Variants in FBXO10 observed in about 807,000 individuals in gnomAD.
FBXO10 encodes the protein F-box protein 10, also known as F-box only protein 10.
FBXO10 carries 39 observed loss-of-function variants against 80.7 expected under a neutral mutation model. The ratio of observed to expected loss-of-function variants is 0.48; its 90% CI spans 0.37 to 0.63. FBXO10 has a LOEUF of 0.63. Ranked by LOEUF, FBXO10 falls within the 30% of genes least tolerant of loss-of-function variation. The pLI, the probability that FBXO10 is intolerant of heterozygous loss-of-function variation, is 0.00. For synonymous variants in FBXO10, 449 were observed against 489.6 expected (o/e 0.92, Z 1.09); for missense variants, 1,025 against 1,269.0 (o/e 0.81, Z 2.92).
chr9:37,537,193 C>T lies in FBXO10; in HGVS notation c.1336G>A (p.Val446Ile), dbSNP rs750934203. The change falls in exon 3 of 11, where the codon GTC becomes ATC. Residue 446 changes from valine (V) to isoleucine (I), a missense_variant. Around this residue, in one of 3 missense-constraint regions of FBXO10, gnomAD observed 478 missense variants for 667.8 expected, o/e 0.72. Transcript: ENST00000432825. The part of the protein sequence containing the change: ...LFRDGKGGVF[V>I]CSHGRAKMEG... ...ATCTTGGCTCTGCCGTGGGAGCAGA[C>T]GAAGACGCCTCCCTTCCCGTCCCGG... 11 of 1,613,838 alleles carry T rather than the reference C, an allele frequency of 6.8e-6. No homozygotes were observed. Among genetic ancestry groups the T allele is most frequent in the South Asian group, 5.5e-5 (5 of 91,090 alleles).
chr9:37,556,598 C>T (rs58722466), intron 1 of FBXO10, among the ~76,000 whole-genome samples: 8,269 of 127,478 alleles, frequency 0.065, 290 homozygotes, highest in South Asian at 0.16. Flanking sequence ...GTCTGGAGTG[C>T]AGTGGCACAA....
chr9:37,567,950 G>C (rs1822649976), intron 1 of FBXO10, among the ~76,000 whole-genome samples: 1 of 152,116 alleles, frequency 6.6e-6, no homozygotes, highest in Non-Finnish European at 1.5e-5. Flanking sequence ...TCACAGGATG[G>C]ATACTTGACC....
chr9:37,541,874 G>T, intron 1 of FBXO10, 100 bp from the exon 2 acceptor site: 2 of 1,020,328 alleles, frequency 2.0e-6, no homozygotes, highest in Non-Finnish European at 2.8e-6. Context: ...TCTTGCCCAG[G>T]CTGGAGTGCA....
chr9:37,541,275 G>T lies in FBXO10; in HGVS notation c.494C>A (p.Ala165Asp). 6.2e-7 allele frequency: 1 copy of T among 1,613,954 alleles called. No individual in the cohort carries two copies. ...GTGCTGATCAATGCTGGCCAGCAGG[G>T]CCACTTCACCCAACTTCCCCTGCCC... is the stretch of plus-strand genomic sequence containing the variant. ...IVGQGKLGEV[A>D]LLASIDQHCS... The change falls in exon 2 of 11, where the codon GCC (alanine) becomes GAC (aspartate). Residue 165 changes from alanine (A) to aspartate (D), a missense_variant. Coordinates refer to ENST00000432825, the MANE Select transcript of FBXO10 (RefSeq NM_012166.3).
chr9:37,522,537 G>A, intron 7 of FBXO10: 1 of 1,168,214 alleles, frequency 8.6e-7, no homozygotes, highest in Non-Finnish European at 1.1e-6. Flanking sequence ...ATGAGCCAGG[G>A]CTGAAATGGT....
chr9:37,517,640 TC>T (rs1262037890), intron 9 of FBXO10, among the ~76,000 whole-genome samples: 1 of 141,380 alleles, frequency 7.1e-6, no homozygotes, highest in Non-Finnish European at 1.5e-5. Flanking sequence ...CAGGGACTCT[TC>T]CTGAACAAAG....
intron 2 of FBXO10, 130 bp from the exon 3 acceptor site, chr9:37,538,073 G>C (rs1821821055): frequency 1.4e-6 from 1 of 704,040 alleles, no homozygotes; most frequent in South Asian, 1.9e-5. Flanking sequence ...CCCCACTGGG[G>C]TCTGGATGTC....
intron 1 of FBXO10, among the ~76,000 whole-genome samples, chr9:37,559,336 T>C (rs1291580493): frequency 6.6e-6 from 1 of 152,160 alleles, no homozygotes; most frequent in Non-Finnish European, 1.5e-5. Context: ...AGCATCCTTC[T>C]TCCTCAGCTT....
chr9:37,556,912 G>A (rs1822350934), intron 1 of FBXO10, among the ~76,000 whole-genome samples: 1 of 152,098 alleles, frequency 6.6e-6, no homozygotes, highest in African/African-American at 2.4e-5. Context: ...TTTTCTACTG[G>A]CTTGGTCATT....
chr9:37,522,228 A>C, intron 7 of FBXO10: 1 of 542,244 alleles, frequency 1.8e-6, no homozygotes, highest in Non-Finnish European at 2.4e-6. Flanking sequence ...AGGTTACCAG[A>C]CCTCTCTCTG....
rs540188029 is a variant in FBXO10 at position 37,576,075 on chromosome 9, C to A, written c.-7+136G>T. On this transcript the variant is annotated intron_variant, in intron 1 of 10. Coordinates refer to ENST00000432825, the MANE Select transcript of FBXO10 (RefSeq NM_012166.3). The stretch of plus-strand genomic sequence containing the variant: ...TCATGGTCCTGCCAGACCCCTGATG[C>A]CCGAAGCCCGACCAGACGCTCAGCC... 3 of 152,348 alleles carry A rather than the reference C, an allele frequency of 2.0e-5. No homozygotes were observed. The East Asian group carries it at 5.8e-4, about 29-fold the overall frequency. The allele number at this position is 152,348 out of a possible 1,614,324, so 9.4% of individuals were successfully genotyped here.
chr9:37,568,061 A>C (rs1458693747), intron 1 of FBXO10, among the ~76,000 whole-genome samples: 1 of 152,194 alleles, frequency 6.6e-6, no homozygotes, highest in Non-Finnish European at 1.5e-5. Context: ...TTAAGGTGAG[A>C]GACTGCAAGA....
intron 1 of FBXO10, among the ~76,000 whole-genome samples, chr9:37,574,342 G>A (rs1348777448): frequency 6.6e-6 from 1 of 152,212 alleles, no homozygotes. Flanking sequence ...ACCAGAGAAC[G>A]GAAACTCATG....
intron 5 of FBXO10, among the ~76,000 whole-genome samples, chr9:37,526,307 G>A (rs1432295721): frequency 6.6e-6 from 1 of 152,174 alleles, no homozygotes; most frequent in African/African-American, 2.4e-5. Flanking sequence ...CCTATGGTTT[G>A]TCTCATCCAG....
intron 4 of FBXO10, 50 bp downstream of exon 4, chr9:37,531,859 G>A: frequency 6.3e-7 from 1 of 1,599,806 alleles, no homozygotes. Context: ...CCTCACAAAT[G>A]GTTTCTGAAA....
chr9:37,534,006 GGTTA>G (rs1317485477), intron 3 of FBXO10, among the ~76,000 whole-genome samples: 2 of 152,042 alleles, frequency 1.3e-5, no homozygotes, highest in Non-Finnish European at 2.9e-5. Flanking sequence ...GATGTGTGCA[GGTTA>G]GGTGCAAATA....
At chr9:37,546,920 A>G (rs1822071071) in intron 1 of FBXO10, among the ~76,000 whole-genome samples, 1 of 152,184 alleles carries the variant, frequency 6.6e-6, no homozygotes, top group African/African-American at 2.4e-5. Context: ...ACCTCAAGTG[A>G]TCCGCCTGCC....
intron 3 of FBXO10, 61 bp from the exon 4 acceptor site, chr9:37,532,119 G>A (rs1821640963): frequency 3.9e-6 from 6 of 1,526,472 alleles, no homozygotes; most frequent in South Asian, 2.4e-5. Context: ...AGAAACCACT[G>A]GAGGAACACC....
intron 5 of FBXO10, among the ~76,000 whole-genome samples, chr9:37,527,529 T>A (rs1342845032): frequency 2.0e-5 from 3 of 152,228 alleles, no homozygotes; most frequent in Non-Finnish European, 4.4e-5. Flanking sequence ...CATAAAATCC[T>A]ATTTATCTTT....
Sources: allele counts gnomAD v4.1 joint callset (sites outside exome capture counted in the v4.1 genomes callset), GRCh38; gene constraint gnomAD v4.1.1; regional missense constraint gnomAD v4.1.1; transcripts MANE v1.5; gene names NCBI Gene and HGNC (gene_info 2026-07-23, HGNC 2026-07-21).